Variants in MTHFD2 observed in about 807,000 individuals in gnomAD.
The protein encoded by MTHFD2 is methylenetetrahydrofolate dehydrogenase (NADP+ dependent) 2, methenyltetrahydrofolate cyclohydrolase, also known as bifunctional methylenetetrahydrofolate dehydrogenase/cyclohydrolase, mitochondrial.
MTHFD2 carries 26 observed loss-of-function variants against 36.8 expected under a neutral mutation model. The ratio of observed to expected loss-of-function variants is 0.71; its 90% CI spans 0.52 to 0.98. The LOEUF is 0.98. MTHFD2 is among the 50% of genes least tolerant of loss of function. The pLI is 0.00. For missense variants in MTHFD2, 373 were observed against 434.0 expected (o/e 0.86, Z 1.25); for synonymous variants, 164 against 155.2 (o/e 1.06, Z -0.42).
At chr2:74,206,253 T>C (rs1200509137) in intron 2 of MTHFD2, 3 of 185,422 alleles carry the variant, frequency 1.6e-5, no homozygotes, top group Non-Finnish European at 3.5e-5. Context: ...CTTAGAGGCT[T>C]AGGGGGCATG....
At position 74,211,790 on chromosome 2, in the gene MTHFD2, C is replaced by T. The variant is rs759563004; in HGVS notation, c.813C>T (p.Val271=). Residue 271 remains valine, a synonymous_variant, in exon 7 of 8, where the codon GTC becomes GTT. Transcript: ENST00000394053. ...TADMIKEGAA[V]IDVGINRVHD... is the part of the protein sequence containing the mutation. ...ATATGATCAAGGAAGGAGCAGCAGT[C>T]ATTGATGTGGGAATAAATAGAGTTC... is the stretch of plus-strand genomic sequence containing the variant. 2.0e-5 allele frequency: 32 copies of T among 1,611,766 alleles called. No homozygotes were observed. The highest frequency in any genetic ancestry group is 2.5e-5 in the Non-Finnish European group (30 of 1,179,670).
rs1273238169 is a variant in MTHFD2 at position 74,203,843 on chromosome 2, C to CTATTT, written c.102-1860_102-1859insTTTTA. Among the ~76,000 whole-genome samples the CTATTT allele has an allele frequency of 9.4e-3, 757 of 80,604 alleles. 16 individuals are homozygous for CTATTT. The highest frequency in any genetic ancestry group is 0.037 in the Admixed American group (278 of 7,558). The allele number at this position is 80,604 out of a possible 152,430, so 52.9% of individuals were successfully genotyped here. ...TTTTACTTAAGGAAGAGATGCTCAT[C>CTATTT]TAGTTTAGTTTAGTTTAGTTTAGTT... On this transcript the variant is annotated intron_variant, in intron 1 of 7. Coordinates refer to ENST00000394053, the MANE Select transcript of MTHFD2 (RefSeq NM_006636.4).
intron 1 of MTHFD2, among the ~76,000 whole-genome samples, chr2:74,200,755 T>C (rs906979420): frequency 4.6e-5 from 7 of 152,218 alleles, no homozygotes; most frequent in African/African-American, 1.7e-4. Flanking sequence ...GAGTAATATA[T>C]GTTAAAGTGT....
intron 2 of MTHFD2, among the ~76,000 whole-genome samples, chr2:74,207,355 C>T (rs1358743347): frequency 6.7e-6 from 1 of 149,898 alleles, no homozygotes; most frequent in African/African-American, 2.5e-5. Flanking sequence ...GTCTCCATCT[C>T]CTGACCTCGT....
Position 74,206,015 on chromosome 2 carries a change from C to A in MTHFD2, c.286+126C>A, listed in dbSNP as rs566501199. Reference sequence around the variant, plus strand: ...AGCAGAGGAGGCTAATGTGATTGAACTGTATCCCAAAACTTTGTCATAGGA... The same window carrying A: ...AGCAGAGGAGGCTAATGTGATTGAAATGTATCCCAAAACTTTGTCATAGGA... On this transcript the variant is annotated intron_variant, in intron 2 of 7. Transcript: ENST00000394053. 81 of 971,460 alleles carry A rather than the reference C, an allele frequency of 8.3e-5. No individual in the cohort carries two copies. In the African/African-American group the frequency reaches 1.1e-3, roughly 14 times the overall value. The allele number at this position is 971,460 out of a possible 1,614,324, so 60.2% of individuals were successfully genotyped here. A position where few individuals can be genotyped will look rare whatever the true frequency, so the allele number is the denominator to read the frequency against.
At position 74,215,713 on chromosome 2, in the gene MTHFD2, A is replaced by T. The variant is rs1273803620; in HGVS notation, c.*1471A>T. The T allele has an allele frequency of 2.0e-5, 3 of 152,350 alleles. No homozygotes were observed. The highest frequency in any genetic ancestry group is 4.4e-5 in the Non-Finnish European group (3 of 68,248). 9.4% of individuals were successfully genotyped at this position (152,350 alleles called of 1,614,324 possible). A position where few individuals can be genotyped will look rare whatever the true frequency, so the allele number is the denominator to read the frequency against. Reference sequence around the variant, plus strand: ...AACCTCTGCCTCTCGGGTTCAAACAATTCTTGTGCCTCAGCCTCCTGAGTA... The same window carrying T: ...AACCTCTGCCTCTCGGGTTCAAACATTTCTTGTGCCTCAGCCTCCTGAGTA... On this transcript the variant is annotated 3_prime_UTR_variant, in exon 8 of 8. Coordinates refer to ENST00000394053, the MANE Select transcript of MTHFD2 (RefSeq NM_006636.4).
intron 1 of MTHFD2, among the ~76,000 whole-genome samples, chr2:74,205,013 A>T (rs1694145342): frequency 6.6e-6 from 1 of 152,062 alleles, no homozygotes; most frequent in African/African-American, 2.4e-5. Context: ...TTTAGTAGAG[A>T]CAGGGTTTCA....
chr2:74,206,785 C>T lies in MTHFD2; in HGVS notation c.286+896C>T, dbSNP rs1172350283. On this transcript the variant is annotated intron_variant, in intron 2 of 7. Coordinates refer to ENST00000394053, the MANE Select transcript of MTHFD2 (RefSeq NM_006636.4). ...GTGCAACGGCGTGATCTCGGCTCTC[C>T]GCAACCTCCGCCTCCCGGGTTCAAG... 7.9e-5 allele frequency among the ~76,000 whole-genome samples: 12 copies of T among 152,056 alleles called. No homozygotes were observed. In the South Asian group the frequency reaches 1.0e-3, roughly 13 times the overall value.
chr2:74,211,347 C>A, intron 6 of MTHFD2, 56 bp downstream of exon 6: 1 of 1,153,506 alleles, frequency 8.7e-7, no homozygotes, highest in Non-Finnish European at 1.3e-6. Flanking sequence ...GGAGGTTGTA[C>A]CCCTCATCTT....
intron 1 of MTHFD2, among the ~76,000 whole-genome samples, chr2:74,203,928 T>TAGTTTAGTTTATAGTTTAGTTTAG (rs1463652033): frequency 6.9e-6 from 1 of 145,714 alleles, no homozygotes; most frequent in African/African-American, 2.6e-5. Flanking sequence ...TAGTTTAGTT[T>TAGTTTAGTTTATAGTTTAGTTTAG]TTTGAGATGC....
rs2103848405 is a variant in MTHFD2, at chr2:74,216,259, A to G, written c.*2017A>G. 6.6e-6 allele frequency: 1 copy of G among 152,348 alleles called. No homozygotes were observed. Among genetic ancestry groups the G allele is most frequent in the South Asian group, 2.1e-4 (1 of 4,834 alleles). The allele number at this position is 152,348 out of a possible 1,614,324, so 9.4% of individuals were successfully genotyped here. ...GAGCAAGATGACCAGACAGGATTAA[A>G]TTTTATTGAATTACAGTTACAAGTG... On this transcript the variant is annotated 3_prime_UTR_variant, in exon 8 of 8. Coordinates refer to ENST00000394053, the MANE Select transcript of MTHFD2 (RefSeq NM_006636.4).
intron 2 of MTHFD2, 186 bp downstream of exon 2, chr2:74,206,075 G>A (rs1490043923): frequency 1.9e-6 from 1 of 533,576 alleles, no homozygotes; most frequent in Non-Finnish European, 3.3e-6. Flanking sequence ...TATACAGTAG[G>A]ACAGGAGATA....
intron 6 of MTHFD2, 114 bp downstream of exon 6, chr2:74,211,405 CTTT>C (rs1395874651): frequency 3.0e-6 from 2 of 676,674 alleles, no homozygotes; most frequent in African/African-American, 3.6e-5. Flanking sequence ...TGTAATGATT[CTTT>C]GAGCTGCCTA....
intron 2 of MTHFD2, 53 bp from the exon 3 acceptor site, chr2:74,207,651 G>A: frequency 6.5e-7 from 1 of 1,534,844 alleles, no homozygotes; most frequent in Non-Finnish European, 8.9e-7. Flanking sequence ...CAACATAGCA[G>A]TGCTCATTAA....
chr2:74,199,256 C>T (rs1404024823), intron 1 of MTHFD2, among the ~76,000 whole-genome samples: 1 of 152,152 alleles, frequency 6.6e-6, no homozygotes, highest in Non-Finnish European at 1.5e-5. Flanking sequence ...CCCGCGCCGC[C>T]CTCCTCCCTC....
At chr2:74,213,878 A>G (rs1489303287) in intron 7 of MTHFD2, among the ~76,000 whole-genome samples, 2 of 152,234 alleles carry the variant, frequency 1.3e-5, no homozygotes, top group East Asian at 3.8e-4. Context: ...ACTTAGATGT[A>G]TAAATATTCC....
chr2:74,209,863 G>C, intron 4 of MTHFD2, 79 bp from the exon 5 acceptor site: 5 of 1,218,540 alleles, frequency 4.1e-6, no homozygotes, highest in Non-Finnish European at 5.7e-6. Context: ...GGCAAAATTG[G>C]GTTCATGTTC....
chr2:74,211,807 A>G lies in MTHFD2; in HGVS notation c.830A>G (p.Asn277Ser), dbSNP rs1171515409. 6.2e-7 allele frequency: 1 copy of G among 1,612,054 alleles called. No individual in the cohort carries two copies. Among genetic ancestry groups the G allele is most frequent in the Middle Eastern group, 2.1e-4 (1 of 4,656 alleles). ...GCAGCAGTCATTGATGTGGGAATAAATAGAGTTCACGATCCTGTAACTGCC... is the reference window on the plus strand; with the variant it reads ...GCAGCAGTCATTGATGTGGGAATAAGTAGAGTTCACGATCCTGTAACTGCC... ...EGAAVIDVGI[N>S]RVHDPVTAKP... The change falls in exon 7 of 8, where the codon AAT (asparagine) becomes AGT (serine). Residue 277 changes from asparagine (N) to serine (S), a missense_variant. Asn to Ser is a conservative substitution (Grantham distance 46). Coordinates refer to ENST00000394053, the MANE Select transcript of MTHFD2 (RefSeq NM_006636.4).
chr2:74,203,923 T>C (rs1313085797), intron 1 of MTHFD2, among the ~76,000 whole-genome samples: 4 of 140,804 alleles, frequency 2.8e-5, no homozygotes, highest in African/African-American at 5.5e-5. Context: ...TAGTTTAGTT[T>C]AGTTTTTTGA....
Sources: allele counts gnomAD v4.1 joint callset (sites outside exome capture counted in the v4.1 genomes callset), GRCh38; gene constraint gnomAD v4.1.1; transcripts MANE v1.5; gene names NCBI Gene and HGNC (gene_info 2026-07-23, HGNC 2026-07-21).